Variants in BBS4 observed in about 807,000 individuals in gnomAD.
The protein encoded by BBS4 is Bardet-Biedl syndrome 4.
Under a neutral mutation model 71.4 loss-of-function variants are expected in BBS4, and 58 were observed. That is an observed-to-expected ratio of 0.81 (90% CI 0.66 to 1.01). The LOEUF is 1.01. Ranked by LOEUF, BBS4 falls within the 50% of genes least tolerant of loss-of-function variation. BBS4 has a pLI of 0.00. For synonymous variants in BBS4, 228 were observed against 216.8 expected, an observed-to-expected ratio of 1.05 and a Z score of -0.46; for missense variants, 660 against 607.9, an observed-to-expected ratio of 1.09 and a Z score of -0.90.
At chr15:72,728,427 G>A (rs1483235997) in intron 9 of BBS4, among the ~76,000 whole-genome samples, 1 of 152,074 alleles carries the variant, frequency 6.6e-6, no homozygotes, top group Non-Finnish European at 1.5e-5. Flanking sequence ...GAACTCGGAA[G>A]GCAGAGGTTG....
intron 1 of BBS4, among the ~76,000 whole-genome samples, chr15:72,688,597 G>A (rs1174752312): frequency 6.6e-6 from 1 of 151,756 alleles, no homozygotes; most frequent in Non-Finnish European, 1.5e-5. Context: ...TGGAGATGGG[G>A]TTTCACCACG....
At chr15:72,728,015 A>T in intron 9 of BBS4, 21 bp downstream of exon 9, 1 of 1,571,896 alleles carries the variant, frequency 6.4e-7, no homozygotes, top group Non-Finnish European at 8.8e-7. Flanking sequence ...CTCTGTACTC[A>T]TTCATGCACT....
intron 2 of BBS4, chr15:72,704,546 C>T: frequency 2.1e-6 from 2 of 930,842 alleles, no homozygotes; most frequent in Non-Finnish European, 3.0e-6. Context: ...TCCAGAATTC[C>T]TTCATCTTTG....
Position 72,735,812 on chromosome 15 carries a change from CTG to C in BBS4, c.1107-11_1107-10del, listed in dbSNP as rs1567433467. 1 of 1,614,128 alleles carries C rather than the reference CTG, an allele frequency of 6.2e-7. No homozygotes were observed. Among genetic ancestry groups the C allele is most frequent in the Non-Finnish European group, 8.5e-7 (1 of 1,179,990 alleles). ...CAGAGCCCCCAGCTCCATAGAATCT[CTG>C]TCTGCCACAGGTGTAACCCTTTAGT... On this transcript the variant is annotated splice_polypyrimidine_tract_variant and intron_variant, in intron 13 of 15. Coordinates refer to ENST00000268057, the MANE Select transcript of BBS4 (RefSeq NM_033028.5).
At chr15:72,698,588 T>C (rs1021442150) in intron 2 of BBS4, among the ~76,000 whole-genome samples, 2 of 152,212 alleles carry the variant, frequency 1.3e-5, no homozygotes. Flanking sequence ...GGCTGAATAA[T>C]ATTCTAGTGT....
intron 4 of BBS4, among the ~76,000 whole-genome samples, chr15:72,712,661 G>C (rs1327474585): frequency 6.6e-6 from 1 of 152,132 alleles, no homozygotes; most frequent in Admixed American, 6.5e-5. Flanking sequence ...TGGTATAAAA[G>C]ATAAAAAATA....
Position 72,736,817 on chromosome 15 carries a change from T to G in BBS4, c.1304T>G (p.Val435Gly). Residue 435 changes from valine (V) to glycine (G), a missense_variant, in exon 15 of 16, where the codon GTC (valine) becomes GGC (glycine). Val to Gly is a moderately radical substitution (Grantham distance 109). Coordinates refer to ENST00000268057, the MANE Select transcript of BBS4 (RefSeq NM_033028.5). ...GAALQVGEAL[V>G]WTKPVKDPKS... ...GCTCTCCAGGTTGGGGAGGCACTGG[T>G]CTGGACCAAACCAGTTAAAGATCCC... is the stretch of plus-strand genomic sequence containing the variant. The G allele has an allele frequency of 1.2e-6, 2 of 1,614,192 alleles. No homozygotes were observed. Among genetic ancestry groups the G allele is most frequent in the Non-Finnish European group, 1.7e-6 (2 of 1,180,030 alleles).
At chr15:72,709,161 A>T (rs1388228352) in intron 2 of BBS4, among the ~76,000 whole-genome samples, 1 of 152,198 alleles carries the variant, frequency 6.6e-6, no homozygotes, top group Non-Finnish European at 1.5e-5. Flanking sequence ...AATCCTTAAT[A>T]AACACTTGCT....
intron 12 of BBS4, among the ~76,000 whole-genome samples, chr15:72,732,461 C>T (rs879538883): frequency 6.6e-6 from 1 of 152,100 alleles, no homozygotes; most frequent in Non-Finnish European, 1.5e-5. Flanking sequence ...ATTTTTTTCT[C>T]CATATACATT....
intron 6 of BBS4, among the ~76,000 whole-genome samples, chr15:72,718,319 A>G (rs2065503885): frequency 1.3e-5 from 2 of 151,894 alleles, no homozygotes; most frequent in Non-Finnish European, 2.9e-5. Context: ...CTTTTCTTCA[A>G]TGTCTCTGAT....
intron 6 of BBS4, among the ~76,000 whole-genome samples, chr15:72,722,245 T>G (rs927155596): frequency 6.6e-6 from 1 of 152,224 alleles, no homozygotes; most frequent in African/African-American, 2.4e-5. Flanking sequence ...CAATTACATG[T>G]ATTCCATCAC....
intron 8 of BBS4, among the ~76,000 whole-genome samples, chr15:72,726,022 C>G (rs893367418): frequency 1.4e-5 from 2 of 140,284 alleles, no homozygotes; most frequent in Non-Finnish European, 3.1e-5. Flanking sequence ...TCCCTTCCTT[C>G]CTTTTTCTCT....
At chr15:72,702,546 A>G (rs969832896) in intron 2 of BBS4, among the ~76,000 whole-genome samples, 28 of 148,194 alleles carry the variant, frequency 1.9e-4, no homozygotes, top group African/African-American at 6.8e-4. Context: ...CTAATCTTTT[A>G]TATGACTTTT....
At chr15:72,733,707 T>A (rs578223794) in intron 12 of BBS4, among the ~76,000 whole-genome samples, 12 of 152,362 alleles carry the variant, frequency 7.9e-5, no homozygotes, top group African/African-American at 2.9e-4. Flanking sequence ...ACATCTTTGC[T>A]ATTGTGAATA....
intron 2 of BBS4, among the ~76,000 whole-genome samples, chr15:72,697,180 G>A (rs1338300287): frequency 6.6e-6 from 1 of 152,148 alleles, no homozygotes; most frequent in Non-Finnish European, 1.5e-5. Context: ...TGATCCACCT[G>A]CTTTGGCCCC....
intron 1 of BBS4, among the ~76,000 whole-genome samples, chr15:72,692,219 T>C (rs1324856341): frequency 6.6e-6 from 1 of 151,756 alleles, no homozygotes; most frequent in Non-Finnish European, 1.5e-5. Flanking sequence ...TACAGGAAAC[T>C]ATATGGTGGT....
At position 72,731,574 on chromosome 15, in the gene BBS4, G is replaced by A. The variant is rs121434632; in HGVS notation, c.884G>A (p.Arg295Gln). 2.2e-5 allele frequency: 36 copies of A among 1,613,982 alleles called. No individual in the cohort carries two copies. Among genetic ancestry groups the A allele is most frequent in the Non-Finnish European group, 3.1e-5 (36 of 1,180,028 alleles). Residue 295 changes from arginine to glutamine, a missense_variant, in exon 12 of 16, where the codon CGA becomes CAA. Arg to Gln is a conservative substitution (Grantham distance 43, BLOSUM62 1). Coordinates refer to ENST00000268057, the MANE Select transcript of BBS4 (RefSeq NM_033028.5). ...KYVAAISCLK[R>Q]ANYLAPFDWK... The stretch of plus-strand genomic sequence containing the variant: ...TCATAGGCCATCAGCTGCCTGAAAC[G>A]AGCCAACTACTTGGCACCCTTTGAT...
At position 72,729,634 on chromosome 15, in the gene BBS4, G is replaced by C. The variant is rs2065773077; in HGVS notation, c.661G>C (p.Ala221Pro). ...TTCCAAGCTCGGCATTTACCAGAAG[G>C]CATTTGAACATCTTGGCAATGCACT... ...LYLQLGIYQK[A>P]FEHLGNALTY... The change falls in exon 10 of 16, where the codon GCA (alanine) becomes CCA (proline). Residue 221 changes from alanine to proline, a missense_variant. Ala to Pro is a conservative substitution (Grantham distance 27). Coordinates refer to ENST00000268057, the MANE Select transcript of BBS4 (RefSeq NM_033028.5). The C allele has an allele frequency of 6.2e-7, 1 of 1,614,010 alleles. No homozygotes were observed. Among genetic ancestry groups the C allele is most frequent in the Non-Finnish European group, 8.5e-7 (1 of 1,179,976 alleles).
chr15:72,702,765 CCTTCT>C (rs2065193310), intron 2 of BBS4, among the ~76,000 whole-genome samples: 1 of 147,430 alleles, frequency 6.8e-6, no homozygotes, highest in Non-Finnish European at 1.5e-5. Flanking sequence ...CCATTCCTTG[CCTTCT>C]CTTCTCTTTT....
Sources: allele counts gnomAD v4.1 joint callset (sites outside exome capture counted in the v4.1 genomes callset), GRCh38; gene constraint gnomAD v4.1.1; transcripts MANE v1.5; gene names NCBI Gene and HGNC (gene_info 2026-07-23, HGNC 2026-07-21).